Variants in FLVCR2 observed in about 807,000 individuals in gnomAD.
The protein encoded by FLVCR2 is choline/ethanolamine transporter FLVCR2.
FLVCR2 carries 38 observed loss-of-function variants against 48.9 expected under a neutral mutation model. That is an observed-to-expected ratio of 0.78 (90% CI 0.60 to 1.02). The LOEUF (loss-of-function observed/expected upper bound fraction) is 1.02, where lower values mean the gene tolerates loss of function less well. FLVCR2 is among the 50% of genes least tolerant of loss of function. FLVCR2 has a pLI of 0.00. For missense variants in FLVCR2, 664 were observed against 663.3 expected (o/e 1.00, Z -0.01); for synonymous variants, 255 against 257.0 (o/e 0.99, Z 0.07).
chr14:75,642,214 C>T (rs1365131920), intron 9 of FLVCR2, among the ~76,000 whole-genome samples: 1 of 152,182 alleles, frequency 6.6e-6, no homozygotes, highest in Non-Finnish European at 1.5e-5. Context: ...GATCTTGAGC[C>T]GAGTCCTGAG....
At position 75,644,997 on chromosome 14, in the gene FLVCR2, T is replaced by C. The variant is rs554312013; in HGVS notation, c.1510-1404T>C. 5.3e-5 allele frequency among the ~76,000 whole-genome samples: 8 copies of C among 152,148 alleles called. 1 individual carries two copies. The South Asian group carries it at 1.7e-3, about 32-fold the overall frequency. On this transcript the variant is annotated intron_variant, in intron 9 of 9. Transcript: ENST00000238667. ...CTAACTTGTTTCCCATTTGTGATTG[T>C]GATTTCCAGGTGATGGCTTTGGAGG...
chr14:75,613,794 A>ATG lies in FLVCR2; in HGVS notation c.670-8285_670-8284insTG, dbSNP rs1454770594. 3.5e-4 allele frequency among the ~76,000 whole-genome samples: 53 copies of ATG among 152,052 alleles called. 1 individual carries two copies. The highest frequency in any genetic ancestry group is 3.4e-3 in the Middle Eastern group (1 of 294). On this transcript the variant is annotated intron_variant, in intron 1 of 9. Transcript: ENST00000238667. The stretch of plus-strand genomic sequence containing the variant: ...TCAAACTCCTGACCTCAAATGATCC[A>ATG]CCCACCTTGGCCTCCCAAAGTGCTG...
intron 1 of FLVCR2, among the ~76,000 whole-genome samples, chr14:75,617,143 G>A (rs1372266977): frequency 6.6e-6 from 1 of 152,176 alleles, no homozygotes; most frequent in Non-Finnish European, 1.5e-5. Context: ...TGTGTGTTGT[G>A]TTGTGTAATG....
chr14:75,634,095 T>C (rs746927550), intron 4 of FLVCR2, among the ~76,000 whole-genome samples: 1 of 152,150 alleles, frequency 6.6e-6, no homozygotes, highest in Non-Finnish European at 1.5e-5. Context: ...CAAATATATA[T>C]ATAAAATATT....
chr14:75,635,324 G>T (rs377670272), intron 5 of FLVCR2, among the ~76,000 whole-genome samples: 47 of 152,052 alleles, frequency 3.1e-4, no homozygotes, highest in African/African-American at 1.1e-3. Context: ...AAAATGAATG[G>T]GGAAAAAAAA....
chr14:75,583,419 T>A (rs940969226), intron 1 of FLVCR2, among the ~76,000 whole-genome samples: 4 of 151,998 alleles, frequency 2.6e-5, no homozygotes, highest in Non-Finnish European at 5.9e-5. Context: ...TGGGATGGGA[T>A]ATTGGTGTTG....
chr14:75,579,059 C>T lies in FLVCR2; in HGVS notation c.87C>T (p.Val29=). 1 of 1,604,702 alleles carries T rather than the reference C, an allele frequency of 6.2e-7. No homozygotes were observed. Among genetic ancestry groups the T allele is most frequent in the South Asian group, 1.1e-5 (1 of 90,644 alleles). ...SALQADPSVS[V]HPSVSVHPSV... The stretch of plus-strand genomic sequence containing the variant: ...TCCAAGCGGACCCCAGCGTCTCGGT[C>T]CATCCCAGCGTCTCGGTCCATCCCA... The change falls in exon 1 of 10, where the codon GTC becomes GTT. Residue 29 remains valine (V), a synonymous_variant. Transcript: ENST00000238667.
chr14:75,584,516 G>A (rs1216815207), intron 1 of FLVCR2, among the ~76,000 whole-genome samples: 1 of 152,202 alleles, frequency 6.6e-6, no homozygotes, highest in Non-Finnish European at 1.5e-5. Flanking sequence ...CTTTACCTCG[G>A]GTAGTTTCTC....
chr14:75,606,875 T>G (rs1889304751), intron 1 of FLVCR2, among the ~76,000 whole-genome samples: 1 of 149,192 alleles, frequency 6.7e-6, no homozygotes, highest in African/African-American at 2.5e-5. Context: ...GCCTGGGAGG[T>G]GGAGGTTGCA....
At chr14:75,580,967 A>G (rs1406280205) in intron 1 of FLVCR2, among the ~76,000 whole-genome samples, 2 of 152,192 alleles carry the variant, frequency 1.3e-5, no homozygotes, top group Non-Finnish European at 2.9e-5. Flanking sequence ...GCAAAACAAA[A>G]TAGTGAAGTG....
intron 1 of FLVCR2, among the ~76,000 whole-genome samples, chr14:75,612,566 C>T (rs1049694286): frequency 2.6e-5 from 4 of 152,176 alleles, no homozygotes; most frequent in African/African-American, 9.7e-5. Flanking sequence ...TTGACCTTTT[C>T]AAAAGAAGCC....
chr14:75,622,822 C>T (rs1889798679), intron 2 of FLVCR2, among the ~76,000 whole-genome samples: 1 of 151,456 alleles, frequency 6.6e-6, no homozygotes, highest in Non-Finnish European at 1.5e-5. Context: ...TCTTTAATGC[C>T]TTTTAAAAAA....
intron 1 of FLVCR2, among the ~76,000 whole-genome samples, chr14:75,619,044 G>T (rs927484033): frequency 7.9e-5 from 12 of 151,954 alleles, no homozygotes; most frequent in Middle Eastern, 3.4e-3. Context: ...GCCAACATGG[G>T]GAAACCCTGT....
At chr14:75,605,802 G>A (rs533260490) in intron 1 of FLVCR2, 13 of 614,878 alleles carry the variant, frequency 2.1e-5, no homozygotes, top group Non-Finnish European at 3.2e-5. Context: ...TGCCAGCTCC[G>A]GAAAAGAGGG....
chr14:75,595,998 G>A, intron 1 of FLVCR2: 1 of 1,503,862 alleles, frequency 6.6e-7, no homozygotes. Flanking sequence ...GCCAAAGCCG[G>A]TTGTCTTGCC....
chr14:75,619,824 C>A (rs1005735659), intron 1 of FLVCR2, among the ~76,000 whole-genome samples: 2 of 152,174 alleles, frequency 1.3e-5, no homozygotes, highest in African/African-American at 4.8e-5. Context: ...TGGGGTGGAA[C>A]AGCACTCACT....
intron 5 of FLVCR2, among the ~76,000 whole-genome samples, chr14:75,635,889 T>TA (rs952693433): frequency 1.3e-5 from 2 of 151,388 alleles, no homozygotes; most frequent in Non-Finnish European, 3.0e-5. Context: ...GCACATGGGT[T>TA]AAAAAAAAAT....
intron 1 of FLVCR2, among the ~76,000 whole-genome samples, chr14:75,603,744 C>A (rs952895914): frequency 1.3e-5 from 2 of 152,188 alleles, no homozygotes; most frequent in Non-Finnish European, 2.9e-5. Flanking sequence ...GCAGTACCCT[C>A]ATGGAGTTTT....
intron 5 of FLVCR2, among the ~76,000 whole-genome samples, chr14:75,635,696 C>T (rs1890151628): frequency 6.6e-6 from 1 of 152,046 alleles, no homozygotes; most frequent in Non-Finnish European, 1.5e-5. Context: ...GAAACCCCAT[C>T]TCTACAAAAA....
Sources: allele counts gnomAD v4.1 joint callset (sites outside exome capture counted in the v4.1 genomes callset), GRCh38; gene constraint gnomAD v4.1.1; transcripts MANE v1.5; gene names NCBI Gene and HGNC (gene_info 2026-07-23, HGNC 2026-07-21).